Variants in PTPN13 observed in about 807,000 individuals in gnomAD.
PTPN13 encodes protein tyrosine phosphatase non-receptor type 13.
In PTPN13, 191 loss-of-function variants were observed where a neutral mutation model predicts 284.0. The observed-to-expected ratio is 0.67, with a 90% confidence interval of 0.60 to 0.76. The LOEUF (loss-of-function observed/expected upper bound fraction) is 0.76, where lower values mean the gene tolerates loss of function less well. Among genes scored for constraint, PTPN13 ranks in the 30% least tolerant of loss-of-function variants. The pLI is 0.00. For synonymous variants in PTPN13, 986 were observed against 1,022.3 expected (o/e 0.96, Z 0.68); for missense variants, 2,797 against 2,939.9 (o/e 0.95, Z 1.12).
At position 86,732,780 on chromosome 4, in the gene PTPN13, T is replaced by C. The variant is rs778320158; in HGVS notation, c.1858+14T>C. ...CTACCCTCAAAGGTACCAAGACATT[T>C]TATATTCAGAGTACAGTATAGAAAT... On this transcript the variant is annotated intron_variant, in intron 12 of 47. Coordinates refer to ENST00000411767, the MANE Select transcript of PTPN13 (RefSeq NM_080683.3). The C allele has an allele frequency of 6.2e-7, 1 of 1,607,810 alleles. No individual in the cohort carries two copies. The highest frequency in any genetic ancestry group is 1.1e-5 in the South Asian group (1 of 90,426).
intron 1 of PTPN13, among the ~76,000 whole-genome samples, chr4:86,606,276 G>A (rs1764733703): frequency 6.6e-6 from 1 of 151,572 alleles, no homozygotes; most frequent in Non-Finnish European, 1.5e-5. Flanking sequence ...TCTGGGATTG[G>A]GGCTGTATTT....
chr4:86,807,806 C>T lies in PTPN13; in HGVS notation c.6992C>T (p.Thr2331Ile), dbSNP rs1744813016. ...TGGCCCAACATCCTAGGCAAAACAA[C>T]AATGGTCAGCAACAGACTTCGACTG... Reference protein sequence around the residue: ...RYWPNILGKTTMVSNRLRLAL... With the variant: ...RYWPNILGKTIMVSNRLRLAL... The change falls in exon 45 of 48, where the codon ACA becomes ATA. Residue 2331 changes from threonine to isoleucine, a missense_variant. Physicochemically the swap from Thr to Ile is moderately conservative, Grantham distance 89. Transcript: ENST00000411767. 6.2e-7 allele frequency: 1 copy of T among 1,614,002 alleles called. No homozygotes were observed.
chr4:86,605,071 A>T (rs1764631816), intron 1 of PTPN13, among the ~76,000 whole-genome samples: 1 of 151,958 alleles, frequency 6.6e-6, no homozygotes, highest in African/African-American at 2.4e-5. Context: ...GATAAGAGTA[A>T]GTGAATTCAT....
chr4:86,758,990 A>G lies in PTPN13; in HGVS notation c.3470A>G (p.His1157Arg). Reference protein sequence around the residue: ...VNSVSLEGVSHHAAIEILQNA... With the variant: ...VNSVSLEGVSRHAAIEILQNA... ...AGTGTGAGTCTGGAGGGAGTCAGCC[A>G]CCATGCTGCAATTGAAATTTTGCAA... Residue 1157 changes from histidine (H) to arginine (R), a missense_variant, in exon 23 of 48, where the codon CAC becomes CGC. Physicochemically the swap from His to Arg is conservative, Grantham distance 29. Coordinates refer to ENST00000411767, the MANE Select transcript of PTPN13 (RefSeq NM_080683.3). The G allele has an allele frequency of 6.2e-7, 1 of 1,613,770 alleles. No homozygotes were observed. Among genetic ancestry groups the G allele is most frequent in the Non-Finnish European group, 8.5e-7 (1 of 1,179,718 alleles).
chr4:86,729,451 A>AT (rs1287008290), intron 10 of PTPN13, among the ~76,000 whole-genome samples: 1 of 148,922 alleles, frequency 6.7e-6, no homozygotes, highest in Non-Finnish European at 1.5e-5. Context: ...ACTTGATTCC[A>AT]TTTTCCCTGT....
intron 15 of PTPN13, among the ~76,000 whole-genome samples, chr4:86,739,994 C>T (rs1318279334): frequency 2.0e-5 from 3 of 152,250 alleles, no homozygotes; most frequent in African/African-American, 7.2e-5. Flanking sequence ...AAGAGGTGGG[C>T]TCCCAAGGTC....
At chr4:86,677,644 T>G (rs1479404769) in intron 3 of PTPN13, among the ~76,000 whole-genome samples, 1 of 151,866 alleles carries the variant, frequency 6.6e-6, no homozygotes, top group African/African-American at 2.4e-5. Context: ...GTTTTTTTTT[T>G]TTTTTAACCA....
chr4:86,607,384 TG>T, intron 1 of PTPN13, among the ~76,000 whole-genome samples: 1 of 152,064 alleles, frequency 6.6e-6, no homozygotes, highest in Middle Eastern at 3.4e-3. Context: ...ACACTGAAAA[TG>T]ACTCCAATGA....
intron 7 of PTPN13, among the ~76,000 whole-genome samples, chr4:86,709,303 A>G (rs1457279686): frequency 6.6e-6 from 1 of 152,044 alleles, no homozygotes. Flanking sequence ...GCTGTTTTTC[A>G]TTGAAATTAT....
Position 86,750,483 on chromosome 4 carries a change from T to G in PTPN13, c.2664T>G (p.Phe888Leu), listed in dbSNP as rs572841527. 28 of 1,612,764 alleles carry G rather than the reference T, an allele frequency of 1.7e-5. No homozygotes were observed. The highest frequency in any genetic ancestry group is 2.3e-5 in the Non-Finnish European group (27 of 1,179,374). ...QDAQDIERAS[F>L]RSLNLQAESV... ...ATTTCCTTGTAGAGAGAGCTTCGTTTAGGAGCCTGAATCTCCAAGCAGAGT... is the reference window on the plus strand; with the variant it reads ...ATTTCCTTGTAGAGAGAGCTTCGTTGAGGAGCCTGAATCTCCAAGCAGAGT... The change falls in exon 18 of 48, where the codon TTT becomes TTG. Residue 888 changes from phenylalanine to leucine, a missense_variant. Physicochemically the swap from Phe to Leu is conservative, Grantham distance 22. Transcript: ENST00000411767.
At chr4:86,659,578 G>A (rs1172591869) in intron 2 of PTPN13, among the ~76,000 whole-genome samples, 3 of 152,162 alleles carry the variant, frequency 2.0e-5, no homozygotes, top group African/African-American at 7.2e-5. Context: ...CACTTTGGGA[G>A]GCCAAGGTGG....
chr4:86,796,248 G>A (rs1053539451), intron 40 of PTPN13, among the ~76,000 whole-genome samples: 6 of 152,014 alleles, frequency 3.9e-5, no homozygotes, highest in Non-Finnish European at 7.4e-5. Flanking sequence ...AAGTAGAAAA[G>A]CACATACCAA....
chr4:86,751,559 G>A (rs771232973), intron 19 of PTPN13, among the ~76,000 whole-genome samples: 1 of 151,998 alleles, frequency 6.6e-6, no homozygotes, highest in Non-Finnish European at 1.5e-5. Context: ...GACTCAAGGG[G>A]TCTGCCCACC....
chr4:86,721,617 AG>A (rs1217057027), intron 9 of PTPN13, among the ~76,000 whole-genome samples: 1 of 152,002 alleles, frequency 6.6e-6, no homozygotes, highest in African/African-American at 2.4e-5. Context: ...AGAGACTTCA[AG>A]GGTTTTAGGA....
Position 86,722,268 on chromosome 4 carries a change from A to G in PTPN13, c.1442A>G (p.Lys481Arg), listed in dbSNP as rs747518483. 16 of 1,613,844 alleles carry G rather than the reference A, an allele frequency of 9.9e-6. No individual in the cohort carries two copies. The South Asian group carries it at 1.3e-4, about 13-fold the overall frequency. ...TTAATTAATCAAGAGATCATGCTAA[A>G]ACGGCAAGAGGAAGAACTGATGCAG... ...GNLINQEIML[K>R]RQEEELMQLQ... Residue 481 changes from lysine (K) to arginine (R), a missense_variant, in exon 10 of 48, where the codon AAA (lysine) becomes AGA (arginine). Physicochemically the swap from Lys to Arg is conservative, Grantham distance 26. Transcript: ENST00000411767.
chr4:86,633,494 A>G (rs1722685704), intron 1 of PTPN13, among the ~76,000 whole-genome samples: 1 of 152,220 alleles, frequency 6.6e-6, no homozygotes, highest in Admixed American at 6.5e-5. Flanking sequence ...AGGTGAAAGG[A>G]AGGCACCTTT....
intron 12 of PTPN13, among the ~76,000 whole-genome samples, chr4:86,733,620 G>A (rs1735185338): frequency 6.6e-6 from 1 of 151,998 alleles, no homozygotes; most frequent in African/African-American, 2.4e-5. Flanking sequence ...AGTACCTACT[G>A]ATGTTCTATC....
intron 1 of PTPN13, among the ~76,000 whole-genome samples, chr4:86,632,734 G>A (rs930955980): frequency 6.6e-6 from 1 of 150,434 alleles, no homozygotes; most frequent in African/African-American, 2.4e-5. Context: ...GGTACTTCAG[G>A]TGGAACTCTG....
At chr4:86,740,782 A>T in intron 15 of PTPN13, among the ~76,000 whole-genome samples, 1 of 152,160 alleles carries the variant, frequency 6.6e-6, no homozygotes, top group Non-Finnish European at 1.5e-5. Context: ...CGCCTTTAAC[A>T]GCACCCAAGT....
Sources: gnomAD v4.1 joint callset for allele counts (sites outside exome capture counted in the v4.1 genomes callset) on GRCh38, gnomAD v4.1.1 for gene constraint, MANE v1.5 for transcripts, NCBI Gene and HGNC (gene_info 2026-07-23, HGNC 2026-07-21) for gene names.